CADPS2: variants seen among roughly 807,000 people sequenced by gnomAD.
The protein encoded by CADPS2 is calcium dependent secretion activator 2.
A neutral mutation model predicts 172.5 loss-of-function variants in CADPS2; 93 were observed. The observed-to-expected ratio is 0.54, with a 90% confidence interval of 0.46 to 0.64. CADPS2 has a LOEUF of 0.64. CADPS2 is among the 30% of genes least tolerant of loss of function. The probability of loss-of-function intolerance (pLI) is 0.00; values close to 1 mark genes in which losing one functional copy is unlikely to be tolerated. For synonymous variants in CADPS2, 546 were observed against 555.2 expected, an observed-to-expected ratio of 0.98 and a Z score of 0.23; for missense variants, 1,420 against 1,565.9, an observed-to-expected ratio of 0.91 and a Z score of 1.57.
At chr7:122,487,182 G>T (rs2057902183) in intron 11 of CADPS2, among the ~76,000 whole-genome samples, 2 of 151,596 alleles carry the variant, frequency 1.3e-5, no homozygotes, top group African/African-American at 4.8e-5. Flanking sequence ...AGCTAATTTT[G>T]CATTTTTTGT....
chr7:122,794,192 T>A (rs1393902804), intron 1 of CADPS2, among the ~76,000 whole-genome samples: 1 of 152,102 alleles, frequency 6.6e-6, no homozygotes, highest in Non-Finnish European at 1.5e-5. Context: ...TCCTAAAATA[T>A]GTTTACCAAG....
At chr7:122,747,726 T>C (rs978943980) in intron 1 of CADPS2, among the ~76,000 whole-genome samples, 3 of 152,160 alleles carry the variant, frequency 2.0e-5, no homozygotes, top group African/African-American at 7.2e-5. Flanking sequence ...AGCCACTGGC[T>C]ACACTTGGGG....
chr7:122,455,017 C>A (rs190128466), intron 14 of CADPS2, among the ~76,000 whole-genome samples: 1 of 152,274 alleles, frequency 6.6e-6, no homozygotes, highest in African/African-American at 2.4e-5. Context: ...TATTCCTTGA[C>A]TCAATTCCTG....
At chr7:122,528,867 C>G (rs2061504368) in intron 8 of CADPS2, among the ~76,000 whole-genome samples, 1 of 152,086 alleles carries the variant, frequency 6.6e-6, no homozygotes, top group Non-Finnish European at 1.5e-5. Context: ...TAATTTGATA[C>G]TTTCTTGACA....
At chr7:122,388,067 G>A (rs2043904830) in intron 23 of CADPS2, among the ~76,000 whole-genome samples, 1 of 152,066 alleles carries the variant, frequency 6.6e-6, no homozygotes, top group African/African-American at 2.4e-5. Context: ...GGAAGAATAT[G>A]AAGCCTCATA....
Position 122,540,052 on chromosome 7 carries a change from T to C in CADPS2, c.1475+14498A>G, listed in dbSNP as rs188327911. ...ACTGTTTAAGCTCATTTCAAGTACA[T>C]GTCATTTTCAGTTAATTTATTTTAG... On this transcript the variant is annotated intron_variant, in intron 8 of 29. Coordinates refer to ENST00000449022, the MANE Select transcript of CADPS2 (RefSeq NM_017954.11). Among the ~76,000 whole-genome samples the C allele has an allele frequency of 1.7e-3, 262 of 152,194 alleles. 3 individuals carry two copies. Among genetic ancestry groups the C allele is most frequent in the African/African-American group, 6.1e-3 (254 of 41,572 alleles).
intron 3 of CADPS2, among the ~76,000 whole-genome samples, chr7:122,658,270 G>A (rs1166146072): frequency 1.3e-5 from 2 of 152,152 alleles, no homozygotes; most frequent in Non-Finnish European, 2.9e-5. Context: ...GGAGAAATAG[G>A]AACACTTTTA....
intron 1 of CADPS2, among the ~76,000 whole-genome samples, chr7:122,883,026 G>A (rs915743446): frequency 6.6e-6 from 1 of 152,142 alleles, no homozygotes; most frequent in Non-Finnish European, 1.5e-5. Flanking sequence ...GGGCTTGAAT[G>A]TCATAAACTG....
At chr7:122,661,773 T>C (rs1181150125) in intron 3 of CADPS2, among the ~76,000 whole-genome samples, 4 of 152,200 alleles carry the variant, frequency 2.6e-5, no homozygotes, top group Non-Finnish European at 5.9e-5. Context: ...TACAGAGGTT[T>C]TGGACTTGAA....
rs544617104 is a variant in CADPS2 at position 122,823,672 on chromosome 7, A to G, written c.339+62327T>C. 2.6e-5 allele frequency among the ~76,000 whole-genome samples: 4 copies of G among 152,294 alleles called. No homozygotes were observed. In the East Asian group the frequency reaches 7.7e-4, roughly 29 times the overall value. The stretch of plus-strand genomic sequence containing the variant: ...TAACTATGAATGGAGAACGGATGCA[A>G]TTAGAAGGAATATTTTCATTGCAAG... On this transcript the variant is annotated intron_variant, in intron 1 of 29. Transcript: ENST00000449022.
chr7:122,683,127 G>T (rs1049401902), intron 2 of CADPS2, among the ~76,000 whole-genome samples: 2 of 152,174 alleles, frequency 1.3e-5, no homozygotes, highest in Admixed American at 6.5e-5. Flanking sequence ...TTTGGTGATG[G>T]AAGTGGTTCT....
chr7:122,480,946 T>TACTC, intron 11 of CADPS2, 86 bp from the exon 12 acceptor site: 3 of 1,072,812 alleles, frequency 2.8e-6, no homozygotes, highest in Non-Finnish European at 3.8e-6. Context: ...TTTAATTTTT[T>TACTC]ATTTTCTCAA....
In CADPS2 at chr7:122,463,322, A is replaced by C. The variant is rs10236229; in HGVS notation, c.2186+8053T>G. On this transcript the variant is annotated intron_variant, in intron 14 of 29. Coordinates refer to ENST00000449022, the MANE Select transcript of CADPS2 (RefSeq NM_017954.11). ...AATAACCAAAAATCTTCATATTCTTAGATTTTTTTTTTTTTGAGGTGGAGT... is the reference window on the plus strand; with the variant it reads ...AATAACCAAAAATCTTCATATTCTTCGATTTTTTTTTTTTTGAGGTGGAGT... Among the ~76,000 whole-genome samples the C allele has an allele frequency of 4.7e-3, 595 of 127,432 alleles. 4 individuals carry two copies. Among genetic ancestry groups the C allele is most frequent in the African/African-American group, 0.017 (565 of 32,292 alleles). The allele number at this position is 127,432 out of a possible 152,430, so 83.6% of individuals were successfully genotyped here. A position where few individuals can be genotyped will look rare whatever the true frequency, so the allele number is the denominator to read the frequency against.
intron 9 of CADPS2, among the ~76,000 whole-genome samples, chr7:122,509,893 AG>A (rs2059895984): frequency 6.6e-6 from 1 of 152,178 alleles, no homozygotes; most frequent in Non-Finnish European, 1.5e-5. Context: ...AATAAGTATT[AG>A]ATTTAATATA....
At chr7:122,503,162 G>C (rs1268898420) in intron 9 of CADPS2, among the ~76,000 whole-genome samples, 1 of 151,302 alleles carries the variant, frequency 6.6e-6, no homozygotes, top group East Asian at 2.0e-4. Context: ...CTCAGGAGTA[G>C]CTGGGATTAC....
chr7:122,362,826 T>C (rs1469113133), intron 25 of CADPS2, among the ~76,000 whole-genome samples: 1 of 152,216 alleles, frequency 6.6e-6, no homozygotes, highest in Non-Finnish European at 1.5e-5. Flanking sequence ...AGATAATCTT[T>C]TCTTTATGGC....
At chr7:122,496,929 A>C (rs572923662) in intron 9 of CADPS2, among the ~76,000 whole-genome samples, 4 of 152,270 alleles carry the variant, frequency 2.6e-5, no homozygotes, top group East Asian at 3.9e-4. Flanking sequence ...CATCAAGATT[A>C]TCTCTCTGTG....
intron 1 of CADPS2, among the ~76,000 whole-genome samples, chr7:122,768,767 T>C (rs1248317369): frequency 6.6e-6 from 1 of 152,174 alleles, no homozygotes; most frequent in Non-Finnish European, 1.5e-5. Flanking sequence ...CTCTTTTATG[T>C]CTTGTATTTC....
intron 3 of CADPS2, among the ~76,000 whole-genome samples, chr7:122,648,695 T>C (rs972038225): frequency 6.6e-6 from 1 of 151,940 alleles, no homozygotes; most frequent in African/African-American, 2.4e-5. Flanking sequence ...CTTTAGAGAG[T>C]AGGTAGTTCA....
Sources: allele counts gnomAD v4.1 joint callset (sites outside exome capture counted in the v4.1 genomes callset), GRCh38; gene constraint gnomAD v4.1.1; transcripts MANE v1.5; gene names NCBI Gene and HGNC (gene_info 2026-07-23, HGNC 2026-07-21).